Variants in IKBKE observed in about 807,000 individuals in gnomAD.
IKBKE encodes inhibitor of nuclear factor kappa B kinase subunit epsilon.
Under a neutral mutation model 92.1 loss-of-function variants are expected in IKBKE, and 45 were observed. The observed-to-expected ratio is 0.49, with a 90% CI of 0.38 to 0.63. The LOEUF is 0.63. IKBKE is among the 20% of genes least tolerant of loss of function. The probability of loss-of-function intolerance (pLI) is 0.00; values close to 1 mark genes in which losing one functional copy is unlikely to be tolerated. For synonymous variants in IKBKE, 374 were observed against 380.3 expected (o/e 0.98, Z 0.19); for missense variants, 700 against 932.8 (o/e 0.75, Z 3.25).
rs1200391289 is a variant in IKBKE, at chr1:206,476,141, C to T, written c.359-40C>T. The stretch of plus-strand genomic sequence containing the variant: ...ATGAGCCTCAGACACTAGACTGTCC[C>T]CGACCAGAGCCAGCTAGTGGCCTCC... On this transcript the variant is annotated intron_variant, in intron 5 of 21. Coordinates refer to ENST00000581977, the MANE Select transcript of IKBKE (RefSeq NM_014002.4). This position sits in a 1 kb window ranked among gnomAD's most constrained non-coding sequence, Gnocchi z 5.1. 2 of 1,605,552 alleles carry T rather than the reference C, an allele frequency of 1.2e-6. No individual in the cohort carries two copies. Among genetic ancestry groups the T allele is most frequent in the African/African-American group, 2.7e-5 (2 of 74,704 alleles).
chr1:206,475,300 T>G (rs539242337), intron 5 of IKBKE, among the ~76,000 whole-genome samples: 1 of 152,312 alleles, frequency 6.6e-6, no homozygotes, highest in East Asian at 1.9e-4. Context: ...GACATTATGT[T>G]AAGTGAAAAA....
At chr1:206,474,057 G>A (rs1664923566) in intron 3 of IKBKE, among the ~76,000 whole-genome samples, 1 of 151,590 alleles carries the variant, frequency 6.6e-6, no homozygotes. Flanking sequence ...GCTGCCCTGT[G>A]ATGATTGTCA....
chr1:206,470,678 A>C lies in IKBKE; in HGVS notation c.-143A>C, dbSNP rs1553383650. The C allele has an allele frequency of 2.0e-5, 3 of 151,968 alleles. No individual in the cohort carries two copies. In the East Asian group the frequency reaches 5.8e-4, roughly 30 times the overall value. The allele number at this position is 151,968 out of a possible 1,614,324, so 9.4% of individuals were successfully genotyped here. ...GTGTCACCCAGTCCCACAAGCCTGC[A>C]TCCCCTGCAGTGGAGATGGGGTGAG... On this transcript the variant is annotated 5_prime_UTR_variant, in exon 1 of 22. Transcript: ENST00000581977.
At chr1:206,474,635 T>A (rs1664959388) in intron 4 of IKBKE, among the ~76,000 whole-genome samples, 164 bp downstream of exon 4, 1 of 151,676 alleles carries the variant, frequency 6.6e-6, no homozygotes, top group African/African-American at 2.4e-5. Flanking sequence ...GTGGGGGCGG[T>A]GCACTGGAAA....
chr1:206,492,606 T>A (rs1046838081), intron 18 of IKBKE: 1 of 473,966 alleles, frequency 2.1e-6, no homozygotes, highest in Admixed American at 2.3e-5. Context: ...GGGGAAAATG[T>A]TCCTGTTCCT....
intron 17 of IKBKE, chr1:206,491,187 C>A (rs1234735645): frequency 1.6e-5 from 7 of 434,774 alleles, no homozygotes; most frequent in Non-Finnish European, 3.0e-5. Context: ...TTCCCTGCCT[C>A]CCCCCGCTCC....
chr1:206,474,263 G>T, intron 3 of IKBKE, 68 bp from the exon 4 acceptor site: 2 of 1,461,422 alleles, frequency 1.4e-6, no homozygotes, highest in South Asian at 1.3e-5. Context: ...GAGGGTGGCT[G>T]CTCCCCTGTG....
intron 18 of IKBKE, chr1:206,492,689 C>G (rs201760777): frequency 1.9e-6 from 1 of 522,334 alleles, no homozygotes; most frequent in Non-Finnish European, 3.8e-6. Flanking sequence ...ACTGAGAGCC[C>G]TGGTGTGGGC....
In IKBKE at chr1:206,487,629, G is replaced by A. The variant is rs566715276; in HGVS notation, c.1617-285G>A. 1.1e-4 allele frequency among the ~76,000 whole-genome samples: 17 copies of A among 152,174 alleles called. No homozygotes were observed. Among genetic ancestry groups the A allele is most frequent in the Admixed American group, 2.6e-4 (4 of 15,294 alleles). The stretch of plus-strand genomic sequence containing the variant: ...AGTAAAGGCCACGTTCCTGTTGCCC[G>A]TCCTGCTTGGCTTCCTGTCTCTCTT... On this transcript the variant is annotated intron_variant, in intron 15 of 21. Transcript: ENST00000581977. The surrounding 1 kb of genome is among the most constrained non-coding windows in gnomAD (Gnocchi z 5.3).
Position 206,473,212 on chromosome 1 carries a change from C to G in IKBKE, c.-16C>G, listed in dbSNP as rs41295988. The stretch of plus-strand genomic sequence containing the variant: ...TTTCTCTAGGCAGAAGGTGACCAGC[C>G]AGCTCAGGGCAGGAGATGCAGAGCA... On this transcript the variant is annotated 5_prime_UTR_variant, in exon 3 of 22. Coordinates refer to ENST00000581977, the MANE Select transcript of IKBKE (RefSeq NM_014002.4). 1.2e-6 allele frequency: 2 copies of G among 1,603,600 alleles called. No homozygotes were observed. The highest frequency in any genetic ancestry group is 1.7e-6 in the Non-Finnish European group (2 of 1,172,988).
chr1:206,491,525 T>C (rs41299848), intron 17 of IKBKE, 123 bp from the exon 18 acceptor site: 12,332 of 668,010 alleles, frequency 0.018, 307 homozygotes, highest in South Asian at 0.07. Context: ...AGCCCTGCTG[T>C]GGACGCAGGG....
chr1:206,491,087 G>C, intron 17 of IKBKE: 1 of 591,564 alleles, frequency 1.7e-6, no homozygotes, highest in South Asian at 2.0e-5. Context: ...CTTCTGGTAT[G>C]GACAAGACTG....
chr1:206,472,002 T>G (rs1553383941), intron 2 of IKBKE, among the ~76,000 whole-genome samples: 1 of 152,158 alleles, frequency 6.6e-6, no homozygotes, highest in African/African-American at 2.4e-5. Flanking sequence ...TCCCAGCAAT[T>G]TTTTGGGGAA....
chr1:206,480,533 G>A lies in IKBKE; in HGVS notation c.1427G>A (p.Arg476Lys), dbSNP rs201014436. 75 of 1,612,004 alleles carry A rather than the reference G, an allele frequency of 4.7e-5. No homozygotes were observed. The highest frequency in any genetic ancestry group is 5.9e-6 in the Non-Finnish European group (7 of 1,178,704). ...CTCAGCAGCAGCCTGGGAACTGAGA[G>A]GTGGGTGTTCGCCTCAGGCCAGCTG... ...LYLSSSLGTERFSSVAGTPEI... is the reference protein window; with the variant it reads ...LYLSSSLGTEKFSSVAGTPEI... Residue 476 changes from arginine to lysine, a missense_variant and splice_region_variant, in exon 13 of 22, where the codon AGG (arginine) becomes AAG (lysine). By Grantham distance (26) the Arg-to-Lys change is conservative (BLOSUM62 2). Coordinates refer to ENST00000581977, the MANE Select transcript of IKBKE (RefSeq NM_014002.4).
Position 206,484,105 on chromosome 1 carries a change from A to ATTGTATTGTG in IKBKE, c.1428-883_1428-882insGTTGTATTGT, listed in dbSNP as rs1665532977. Among the ~76,000 whole-genome samples, 6 of 102,258 alleles carry ATTGTATTGTG rather than the reference A, an allele frequency of 5.9e-5. No homozygotes were observed. In the South Asian group the frequency reaches 2.4e-3, roughly 40 times the overall value. The allele number at this position is 102,258 out of a possible 152,430, so 67.1% of individuals were successfully genotyped here. ...ATGCCTGGCTTTTATTTTGTATTGTATTGTATTGTATTGTATTGTATTGTA... is the reference window on the plus strand; with the variant it reads ...ATGCCTGGCTTTTATTTTGTATTGTATTGTATTGTGTTGTATTGTATTGTATTGTATTGTA... On this transcript the variant is annotated intron_variant, in intron 13 of 21. Coordinates refer to ENST00000581977, the MANE Select transcript of IKBKE (RefSeq NM_014002.4).
intron 16 of IKBKE, 149 bp downstream of exon 16, chr1:206,488,139 C>T (rs1456163017): frequency 2.0e-5 from 13 of 653,508 alleles, no homozygotes; most frequent in African/African-American, 7.2e-5. Flanking sequence ...GCCCACTAAG[C>T]GGATGGTTCT....
In IKBKE at chr1:206,481,924, T is replaced by C. The variant is rs936603954; in HGVS notation, c.1427+1391T>C. Among the ~76,000 whole-genome samples the C allele has an allele frequency of 6.0e-4, 91 of 150,924 alleles. No individual in the cohort carries two copies. The East Asian group carries it at 0.01, about 17-fold the overall frequency. On this transcript the variant is annotated intron_variant, in intron 13 of 21. Coordinates refer to ENST00000581977, the MANE Select transcript of IKBKE (RefSeq NM_014002.4). Reference sequence around the variant, plus strand: ...CCTCCCAAGTAGCTGGGACTACAGGTGCCCGCCACTACGCCCGGCTAATTT... The same window carrying C: ...CCTCCCAAGTAGCTGGGACTACAGGCGCCCGCCACTACGCCCGGCTAATTT...
intron 16 of IKBKE, among the ~76,000 whole-genome samples, chr1:206,489,295 CATTT>C (rs1665813751): frequency 6.9e-6 from 1 of 144,538 alleles, no homozygotes; most frequent in Admixed American, 6.9e-5. Flanking sequence ...ATATATATAA[CATTT>C]ATAACACATC....
chr1:206,474,617 G>T (rs1664956997), intron 4 of IKBKE, 146 bp downstream of exon 4: 2 of 901,952 alleles, frequency 2.2e-6, no homozygotes, highest in Non-Finnish European at 3.3e-6. Flanking sequence ...AGCAAAGGGG[G>T]CAAGGGGGTG....
Sources: allele counts gnomAD v4.1 joint callset (sites outside exome capture counted in the v4.1 genomes callset), GRCh38; gene constraint gnomAD v4.1.1; non-coding constraint Gnocchi (gnomAD v3.1); transcripts MANE v1.5; gene names NCBI Gene and HGNC (gene_info 2026-07-23, HGNC 2026-07-21).